The following MAGI1 variants were observed in gnomAD, a reference collection of about 807,000 sequenced individuals.
The protein encoded by MAGI1 is membrane-associated guanylate kinase, WW and PDZ domain-containing protein 1.
Under a neutral mutation model 139.9 loss-of-function variants are expected in MAGI1, and 58 were observed. The observed-to-expected ratio is 0.41, with a 90% CI of 0.34 to 0.52. The LOEUF is 0.52. Among genes scored for constraint, MAGI1 ranks in the 20% least tolerant of loss-of-function variants. MAGI1 has a pLI of 0.12. For missense variants in MAGI1, 1,874 were observed against 1,901.6 expected (o/e 0.99, Z 0.27); for synonymous variants, 812 against 737.9 (o/e 1.10, Z -1.63).
rs551241327 is a variant in MAGI1, at chr3:65,854,427, G to A, written c.313+183569C>T. ...TTGTACATACAACTTTGAAAGAATA[G>A]GTGCATGAGGCAATAATGTGCCTCC... On this transcript the variant is annotated intron_variant, in intron 1 of 22. Coordinates refer to ENST00000402939, the MANE Select transcript of MAGI1 (RefSeq NM_001033057.2). 2.0e-5 allele frequency among the ~76,000 whole-genome samples: 3 copies of A among 152,256 alleles called. No homozygotes were observed. The South Asian group carries it at 6.2e-4, about 32-fold the overall frequency.
chr3:65,513,516 GACAA>G (rs1236828270), intron 2 of MAGI1, among the ~76,000 whole-genome samples: 2 of 17,658 alleles, frequency 1.1e-4, no homozygotes, highest in African/African-American at 3.6e-4. Context: ...ACCAACAACA[GACAA>G]ACAGAGAGCC....
intron 1 of MAGI1, among the ~76,000 whole-genome samples, chr3:65,976,475 C>CA (rs1302224762): frequency 6.6e-6 from 1 of 151,666 alleles, no homozygotes; most frequent in African/African-American, 2.4e-5. Context: ...ACTAAAAATA[C>CA]AAAAAATTAG....
chr3:65,455,137 G>A (rs1029950031), intron 5 of MAGI1, among the ~76,000 whole-genome samples: 7 of 152,100 alleles, frequency 4.6e-5, no homozygotes, highest in African/African-American at 1.7e-4. Flanking sequence ...AAAAATAACT[G>A]TAGATTCACA....
chr3:65,716,917 A>C (rs1297748942), intron 1 of MAGI1, among the ~76,000 whole-genome samples: 1 of 152,216 alleles, frequency 6.6e-6, no homozygotes, highest in Non-Finnish European at 1.5e-5. Flanking sequence ...GCCAAAAAGA[A>C]AAATATTGGT....
rs755030000 is a variant in MAGI1 at position 65,364,885 on chromosome 3, G to A, written c.3258C>T (p.His1086=). The stretch of plus-strand genomic sequence containing the variant: ...CCTGGGTCCCTTGCTGAGAAGGGGT[G>A]TGTGTGGTGGTGATGGTGGCAATCT... The part of the protein sequence containing the change: ...AEKIATITTT[H]TPSQQGTQET... The change falls in exon 19 of 23, where the codon CAC becomes CAT. Residue 1086 remains histidine (H), a synonymous_variant. Coordinates refer to ENST00000402939, the MANE Select transcript of MAGI1 (RefSeq NM_001033057.2). 19 of 1,614,112 alleles carry A rather than the reference G, an allele frequency of 1.2e-5. No homozygotes were observed. The South Asian group carries it at 2.0e-4, about 17-fold the overall frequency.
intron 1 of MAGI1, among the ~76,000 whole-genome samples, chr3:65,917,339 C>T (rs553174788): frequency 1.3e-5 from 2 of 152,332 alleles, no homozygotes; most frequent in African/African-American, 4.8e-5. Flanking sequence ...AACTCTCACT[C>T]ACTGCTGGTG....
At chr3:65,638,122 C>G (rs1340423275) in intron 1 of MAGI1, among the ~76,000 whole-genome samples, 3 of 152,126 alleles carry the variant, frequency 2.0e-5, no homozygotes, top group Admixed American at 2.0e-4. Flanking sequence ...TCTGTGTGTT[C>G]TTGGGCAACT....
intron 9 of MAGI1, 25 bp from the exon 10 acceptor site, chr3:65,437,272 C>A: frequency 6.7e-7 from 1 of 1,489,344 alleles, no homozygotes; most frequent in Non-Finnish European, 9.3e-7. Context: ...AGAAAGTTTC[C>A]TATTTTTCCT....
chr3:65,866,351 CTTT>C (rs60871707), intron 1 of MAGI1, among the ~76,000 whole-genome samples: 13 of 133,242 alleles, frequency 9.8e-5, no homozygotes, highest in Admixed American at 2.3e-4. Flanking sequence ...GTGCCTACTT[CTTT>C]TTTTTTTTTT....
intron 1 of MAGI1, among the ~76,000 whole-genome samples, chr3:65,671,240 G>A (rs2086839344): frequency 6.6e-6 from 1 of 152,194 alleles, no homozygotes; most frequent in South Asian, 2.1e-4. Context: ...TAGAGCCAAT[G>A]CTATGAATCA....
At chr3:65,707,157 T>A (rs889480252) in intron 1 of MAGI1, among the ~76,000 whole-genome samples, 2 of 152,198 alleles carry the variant, frequency 1.3e-5, no homozygotes, top group Non-Finnish European at 2.9e-5. Flanking sequence ...AAACCTTAGA[T>A]GTAGGCAACT....
At chr3:65,507,827 T>C (rs898036217) in intron 2 of MAGI1, among the ~76,000 whole-genome samples, 5 of 152,354 alleles carry the variant, frequency 3.3e-5, no homozygotes, top group East Asian at 1.9e-4. Context: ...AGTTTCTAGA[T>C]AGATGAGTCA....
chr3:65,940,223 A>C (rs1450407341), intron 1 of MAGI1, among the ~76,000 whole-genome samples: 1 of 152,202 alleles, frequency 6.6e-6, no homozygotes, highest in Admixed American at 6.5e-5. Context: ...AATACTAGGA[A>C]TGGCTGCTCA....
intron 1 of MAGI1, among the ~76,000 whole-genome samples, chr3:66,018,578 C>A (rs926518585): frequency 6.6e-6 from 1 of 152,190 alleles, no homozygotes; most frequent in Admixed American, 6.5e-5. Context: ...ACCACTGTAA[C>A]CAGTAAACTA....
At chr3:66,023,264 A>C (rs2068057245) in intron 1 of MAGI1, among the ~76,000 whole-genome samples, 1 of 152,228 alleles carries the variant, frequency 6.6e-6, no homozygotes, top group African/African-American at 2.4e-5. Context: ...GGACTAGAGA[A>C]GGAGAGAAAA....
At chr3:65,991,307 TAA>T (rs397950872) in intron 1 of MAGI1, among the ~76,000 whole-genome samples, 15 of 109,256 alleles carry the variant, frequency 1.4e-4, no homozygotes, top group Admixed American at 1.0e-4. Context: ...AAAAAAAAGG[TAA>T]AAAAAAAAAA....
intron 1 of MAGI1, among the ~76,000 whole-genome samples, chr3:65,760,862 G>A (rs1300067953): frequency 1.3e-5 from 2 of 152,178 alleles, no homozygotes; most frequent in Non-Finnish European, 2.9e-5. Flanking sequence ...CTGAGAAGGA[G>A]GGAAAGAAAC....
intron 2 of MAGI1, among the ~76,000 whole-genome samples, chr3:65,616,333 A>G (rs1476056188): frequency 6.6e-6 from 1 of 152,118 alleles, no homozygotes; most frequent in Non-Finnish European, 1.5e-5. Context: ...AGGGGAGAAA[A>G]AGAGTAGAAA....
chr3:65,917,450 T>C (rs2061958593), intron 1 of MAGI1, among the ~76,000 whole-genome samples: 1 of 152,212 alleles, frequency 6.6e-6, no homozygotes, highest in African/African-American at 2.4e-5. Context: ...TCATGTTCCT[T>C]GGTATTCAGC....
Sources: gnomAD v4.1 joint callset for allele counts (sites outside exome capture counted in the v4.1 genomes callset) on GRCh38, gnomAD v4.1.1 for gene constraint, MANE v1.5 for transcripts, NCBI Gene and HGNC (gene_info 2026-07-23, HGNC 2026-07-21) for gene names.